The following SPIN1 variants were observed in gnomAD, a reference collection of about 807,000 sequenced individuals.
SPIN1 encodes spindlin 1.
In SPIN1, 3 loss-of-function variants were observed where a neutral mutation model predicts 26.0. The ratio of observed to expected loss-of-function variants is 0.12; its 90% CI spans 0.05 to 0.30. SPIN1 has a LOEUF of 0.30. Ranked by LOEUF, SPIN1 falls within the 10% of genes least tolerant of loss-of-function variation. The pLI, the probability that SPIN1 is intolerant of heterozygous loss-of-function variation, is 1.00. For synonymous variants in SPIN1, 101 were observed against 116.5 expected (o/e 0.87, Z 0.86); for missense variants, 126 against 333.4 (o/e 0.38, Z 4.84).
In SPIN1 at chr9:88,458,272, G is replaced by A. The variant is rs530764618; in HGVS notation, c.102-4224G>A. The stretch of plus-strand genomic sequence containing the variant: ...TAGACAACACAGAACAAAATGTTAA[G>A]TATGAGACTCATAGTATCATTTACC... On this transcript the variant is annotated intron_variant, in intron 3 of 5. Transcript: ENST00000375859. Among the ~76,000 whole-genome samples the A allele has an allele frequency of 2.0e-5, 3 of 152,308 alleles. No individual in the cohort carries two copies. The East Asian group carries it at 5.8e-4, about 29-fold the overall frequency.
At position 88,437,500 on chromosome 9, in the gene SPIN1, G is replaced by GA. The variant is rs1019120680; in HGVS notation, c.52+10921dup. On this transcript the variant is annotated intron_variant, in intron 2 of 5. Coordinates refer to ENST00000375859, the MANE Select transcript of SPIN1 (RefSeq NM_006717.3). ...GCAACAGAGTAAGACCCTGTCTCAA[G>GA]AAAAAAAAAAAAGAAGGAAAGAAAC... is the stretch of plus-strand genomic sequence containing the variant. Among the ~76,000 whole-genome samples the GA allele has an allele frequency of 9.1e-3, 1,179 of 129,946 alleles. 9 individuals are homozygous for GA. Among genetic ancestry groups the GA allele is most frequent in the African/African-American group, 0.027 (920 of 34,430 alleles). The allele number at this position is 129,946 out of a possible 152,430, so 85.2% of individuals were successfully genotyped here. A position where few individuals can be genotyped will look rare whatever the true frequency, so the allele number is the denominator to read the frequency against.
At chr9:88,414,596 A>G (rs1035574595) in intron 1 of SPIN1, among the ~76,000 whole-genome samples, 1 of 152,230 alleles carries the variant, frequency 6.6e-6, no homozygotes, top group Non-Finnish European at 1.5e-5. Flanking sequence ...TATGTGCTCT[A>G]TCCTGGTGGC....
rs951310277 is a variant in SPIN1, at chr9:88,473,406, A to C, written c.590-1672A>C. Among the ~76,000 whole-genome samples the C allele has an allele frequency of 2.0e-5, 3 of 151,820 alleles. No individual in the cohort carries two copies. In the East Asian group the frequency reaches 5.8e-4, roughly 29 times the overall value. The stretch of plus-strand genomic sequence containing the variant: ...AAGACTCCGTCTCAAAAAGAAAAAA[A>C]AAATTGTGTACATTTGTTATAAAGG... On this transcript the variant is annotated intron_variant, in intron 5 of 5. Transcript: ENST00000375859.
intron 3 of SPIN1, among the ~76,000 whole-genome samples, chr9:88,450,046 C>T (rs1025806253): frequency 6.6e-6 from 1 of 152,094 alleles, no homozygotes. Context: ...AAGAAACTAC[C>T]TGGAAAGTAA....
At chr9:88,420,155 C>T (rs1284422585) in intron 1 of SPIN1, among the ~76,000 whole-genome samples, 2 of 152,178 alleles carry the variant, frequency 1.3e-5, no homozygotes, top group Non-Finnish European at 2.9e-5. Context: ...GCGGGTGGAT[C>T]ACCTGAGGTT....
chr9:88,436,796 G>A (rs1188852246), intron 2 of SPIN1, among the ~76,000 whole-genome samples: 1 of 113,224 alleles, frequency 8.8e-6, no homozygotes, highest in African/African-American at 3.4e-5. Context: ...ACGGAGTCTC[G>A]CTCTGTCGCC....
intron 1 of SPIN1, among the ~76,000 whole-genome samples, chr9:88,406,355 G>C (rs1827310404): frequency 1.3e-5 from 2 of 150,568 alleles, no homozygotes; most frequent in South Asian, 4.2e-4. Flanking sequence ...CCGTGGCGCA[G>C]ACTCGGTTCA....
rs1397904304 is a variant in SPIN1 at position 88,478,027 on chromosome 9, A to G, written c.*2750A>G. ...TTTATTTGTTTTCAGTTTCCTGTAT[A>G]TTTGCTTACTGTGCCGTTTTAGTGG... On this transcript the variant is annotated 3_prime_UTR_variant, in exon 6 of 6. Transcript: ENST00000375859. 2 of 152,044 alleles carry G rather than the reference A, an allele frequency of 1.3e-5. No individual in the cohort carries two copies. The highest frequency in any genetic ancestry group is 2.4e-5 in the African/African-American group (1 of 41,390). 9.4% of individuals were successfully genotyped at this position (152,044 alleles called of 1,614,324 possible).
chr9:88,428,795 A>G (rs965967274), intron 2 of SPIN1, among the ~76,000 whole-genome samples: 4 of 152,324 alleles, frequency 2.6e-5, no homozygotes, highest in African/African-American at 9.6e-5. Flanking sequence ...ATATTTTAGC[A>G]TAAGAGTCCG....
chr9:88,397,482 A>G (rs1351725365), intron 1 of SPIN1, among the ~76,000 whole-genome samples: 5 of 152,022 alleles, frequency 3.3e-5, no homozygotes, highest in African/African-American at 9.7e-5. Context: ...TTCTTTGTTA[A>G]CAGTTATTCC....
Position 88,397,884 on chromosome 9 carries a change from A to C in SPIN1, c.-159+9346A>C, listed in dbSNP as rs1327102291. On this transcript the variant is annotated intron_variant, in intron 1 of 5. Coordinates refer to ENST00000375859, the MANE Select transcript of SPIN1 (RefSeq NM_006717.3). ...AGTGATCTGCCCTCCTCTGCCTCCCAAAGTGCTGAGATTACAGGTGTGAGC... is the reference window on the plus strand; with the variant it reads ...AGTGATCTGCCCTCCTCTGCCTCCCCAAGTGCTGAGATTACAGGTGTGAGC... Among the ~76,000 whole-genome samples the C allele has an allele frequency of 2.0e-5, 3 of 151,750 alleles. 1 individual carries two copies. The highest frequency in any genetic ancestry group is 4.4e-5 in the Non-Finnish European group (3 of 67,950).
intron 1 of SPIN1, among the ~76,000 whole-genome samples, chr9:88,404,709 A>G (rs561530066): frequency 3.3e-5 from 5 of 152,104 alleles, no homozygotes; most frequent in Non-Finnish European, 7.3e-5. Flanking sequence ...TGAGGTCAGG[A>G]GTTCAAGACC....
intron 2 of SPIN1, among the ~76,000 whole-genome samples, chr9:88,439,944 TG>T (rs1293227958): frequency 1.3e-5 from 2 of 152,186 alleles, no homozygotes; most frequent in African/African-American, 4.8e-5. Flanking sequence ...CTGTCTTAAT[TG>T]GTATATTTAG....
intron 1 of SPIN1, among the ~76,000 whole-genome samples, chr9:88,393,789 TTTTC>T (rs1346341476): frequency 6.6e-6 from 1 of 151,978 alleles, no homozygotes; most frequent in African/African-American, 2.4e-5. Context: ...TGAATTACTT[TTTTC>T]TTTCTCTCTT....
intron 1 of SPIN1, among the ~76,000 whole-genome samples, chr9:88,423,388 G>T (rs898057381): frequency 6.6e-6 from 1 of 152,028 alleles, no homozygotes; most frequent in Non-Finnish European, 1.5e-5. Context: ...TGGAGTCATG[G>T]GATGTTTTTT....
chr9:88,423,327 AT>A (rs1317294416), intron 1 of SPIN1, among the ~76,000 whole-genome samples: 3 of 151,972 alleles, frequency 2.0e-5, no homozygotes, highest in East Asian at 1.9e-4. Context: ...CTCAGGCAGA[AT>A]TTTTTTTCTT....
At chr9:88,445,302 T>C (rs1828223495) in intron 2 of SPIN1, among the ~76,000 whole-genome samples, 1 of 152,082 alleles carries the variant, frequency 6.6e-6, no homozygotes. Flanking sequence ...CTGCTTCCTG[T>C]CTGTGTCTTG....
chr9:88,441,416 C>CGT lies in SPIN1; in HGVS notation c.53-7524_53-7523insTG, dbSNP rs1295138634. Among the ~76,000 whole-genome samples the CGT allele has an allele frequency of 9.0e-5, 9 of 100,232 alleles. 1 individual carries two copies. The highest frequency in any genetic ancestry group is 4.4e-4 in the African/African-American group (8 of 18,064). The allele number at this position is 100,232 out of a possible 152,430, so 65.8% of individuals were successfully genotyped here. A position where few individuals can be genotyped will look rare whatever the true frequency, so the allele number is the denominator to read the frequency against. ...TGCCATTCGTGTGTGTGTGTGTGTG[C>CGT]GCGCGCGCGCGCCCATGTGTGTGTA... On this transcript the variant is annotated intron_variant, in intron 2 of 5. Coordinates refer to ENST00000375859, the MANE Select transcript of SPIN1 (RefSeq NM_006717.3).
chr9:88,431,654 G>A (rs1447527540), intron 2 of SPIN1, among the ~76,000 whole-genome samples: 1 of 152,106 alleles, frequency 6.6e-6, no homozygotes, highest in African/African-American at 2.4e-5. Context: ...CCATTCTTTG[G>A]AAACTTTTAG....
Sources: allele counts gnomAD v4.1 joint callset (sites outside exome capture counted in the v4.1 genomes callset), GRCh38; gene constraint gnomAD v4.1.1; transcripts MANE v1.5; gene names NCBI Gene and HGNC (gene_info 2026-07-23, HGNC 2026-07-21).